The following SNX10 variants were observed in gnomAD, a reference collection of about 807,000 sequenced individuals.
The protein encoded by SNX10 is sorting nexin-10.
A neutral mutation model predicts 28.5 loss-of-function variants in SNX10; 25 were observed. That is an observed-to-expected ratio of 0.88 (90% confidence interval 0.64 to 1.22). SNX10 has a LOEUF of 1.22. Among genes scored for constraint, SNX10 ranks in the 50% most tolerant of loss-of-function variants. The pLI is 0.00. For missense variants in SNX10, 223 were observed against 242.6 expected (o/e 0.92, Z 0.54); for synonymous variants, 62 against 81.4 (o/e 0.76, Z 1.28).
intron 5 of SNX10, among the ~76,000 whole-genome samples, chr7:26,368,701 T>TAC (rs1465059597): frequency 6.6e-6 from 1 of 152,182 alleles, no homozygotes; most frequent in African/African-American, 2.4e-5. Flanking sequence ...CAGCTAGTTT[T>TAC]ACACACACAC....
At chr7:26,360,176 A>C (rs1475524174) in intron 2 of SNX10, among the ~76,000 whole-genome samples, 2 of 152,222 alleles carry the variant, frequency 1.3e-5, no homozygotes, top group Non-Finnish European at 2.9e-5. Context: ...ATTATCGCTT[A>C]TTCTCATGTG....
Position 26,373,866 on chromosome 7 carries a change from A to G in SNX10, c.*1294A>G, listed in dbSNP as rs1789671312. On this transcript the variant is annotated 3_prime_UTR_variant, in exon 7 of 7. Coordinates refer to ENST00000338523, the MANE Select transcript of SNX10 (RefSeq NM_013322.3). This position sits in a 1 kb window ranked among gnomAD's most constrained non-coding sequence, Gnocchi z 4.2. The stretch of plus-strand genomic sequence containing the variant: ...GCTATTGTATTATTAAAAAGTCTTT[A>G]CAATGCTTGTTTCAAAGAACCAACA... 1 of 152,064 alleles carries G rather than the reference A, an allele frequency of 6.6e-6. No homozygotes were observed. Among genetic ancestry groups the G allele is most frequent in the Admixed American group, 6.5e-5 (1 of 15,284 alleles). The allele number at this position is 152,064 out of a possible 1,614,324, so 9.4% of individuals were successfully genotyped here. A position where few individuals can be genotyped will look rare whatever the true frequency, so the allele number is the denominator to read the frequency against.
At chr7:26,317,718 A>C (rs1304688632) in intron 1 of SNX10, among the ~76,000 whole-genome samples, 1 of 141,560 alleles carries the variant, frequency 7.1e-6, no homozygotes, top group African/African-American at 2.7e-5. Flanking sequence ...GCTGGAGTGC[A>C]GTGGCACGAT....
At chr7:26,355,899 T>A (rs2128018282) in intron 2 of SNX10, among the ~76,000 whole-genome samples, 1 of 152,342 alleles carries the variant, frequency 6.6e-6, no homozygotes, top group East Asian at 1.9e-4. Context: ...AAGCCTCATT[T>A]AAAAAATCTG....
chr7:26,371,780 A>G, intron 5 of SNX10, 41 bp from the exon 6 acceptor site: 4 of 1,408,688 alleles, frequency 2.8e-6, no homozygotes, highest in Non-Finnish European at 4.0e-6. Flanking sequence ...ATCACTGACC[A>G]TCCTGTTCAC....
chr7:26,324,612 C>G (rs566240492), intron 1 of SNX10, among the ~76,000 whole-genome samples: 1 of 152,224 alleles, frequency 6.6e-6, no homozygotes, highest in East Asian at 1.9e-4. Flanking sequence ...CCTCCTGTCT[C>G]GGCCTCCCAA....
intron 1 of SNX10, among the ~76,000 whole-genome samples, chr7:26,328,012 G>A (rs544292545): frequency 3.9e-5 from 6 of 152,060 alleles, no homozygotes; most frequent in South Asian, 2.1e-4. Context: ...GATTACAGGC[G>A]TGAGGTGCCC....
intron 2 of SNX10, among the ~76,000 whole-genome samples, chr7:26,347,923 A>G (rs1030626326): frequency 4.1e-5 from 6 of 147,600 alleles, no homozygotes; most frequent in Admixed American, 2.7e-4. Context: ...TTCCAATCTT[A>G]TGTATGTAGC....
intron 2 of SNX10, among the ~76,000 whole-genome samples, chr7:26,352,939 CTGAT>C (rs1173824020): frequency 1.3e-5 from 2 of 151,968 alleles, no homozygotes; most frequent in Non-Finnish European, 2.9e-5. Flanking sequence ...CTAGATTTTG[CTGAT>C]TGCATCCTTG....
intron 1 of SNX10, among the ~76,000 whole-genome samples, chr7:26,312,971 A>T (rs1786909919): frequency 6.6e-6 from 1 of 152,246 alleles, no homozygotes; most frequent in Admixed American, 6.5e-5. Flanking sequence ...CTCATTTGTA[A>T]ATACGTTGCT....
intron 1 of SNX10, among the ~76,000 whole-genome samples, chr7:26,341,570 C>T (rs932129682): frequency 7.3e-5 from 11 of 151,572 alleles, no homozygotes; most frequent in African/African-American, 1.2e-4. Context: ...TCTTGACTCA[C>T]TGCAACCTTG....
Position 26,336,668 on chromosome 7 carries a change from G to A in SNX10, c.-23-9752G>A, listed in dbSNP as rs567866602. On this transcript the variant is annotated intron_variant, in intron 1 of 6. Coordinates refer to ENST00000338523, the MANE Select transcript of SNX10 (RefSeq NM_013322.3). ...TGCAGTGAGCTGAGATTGTGCCACC[G>A]CACTCCAGCCTGGGTGACAGAGCGA... is the stretch of plus-strand genomic sequence containing the variant. 1.3e-3 allele frequency among the ~76,000 whole-genome samples: 192 copies of A among 152,300 alleles called. 1 individual carries two copies. Among genetic ancestry groups the A allele is most frequent in the African/African-American group, 4.4e-3 (184 of 41,554 alleles).
chr7:26,371,484 T>C (rs973400054), intron 5 of SNX10, among the ~76,000 whole-genome samples: 1 of 152,208 alleles, frequency 6.6e-6, no homozygotes, highest in African/African-American at 2.4e-5. Flanking sequence ...TTTTTTAAAG[T>C]AGAATAACTT....
intron 6 of SNX10, 88 bp downstream of exon 6, chr7:26,372,121 T>C: frequency 1.2e-6 from 1 of 848,524 alleles, no homozygotes; most frequent in South Asian, 1.8e-5. Context: ...ATATACACAC[T>C]TCACTTTTTT....
chr7:26,297,223 G>A (rs1786146809), intron 1 of SNX10, among the ~76,000 whole-genome samples: 1 of 152,166 alleles, frequency 6.6e-6, no homozygotes, highest in Admixed American at 6.5e-5. Flanking sequence ...AGCCTCCCAA[G>A]TAACTGGGGT....
intron 1 of SNX10, among the ~76,000 whole-genome samples, chr7:26,330,426 A>G (rs972982487): frequency 6.6e-6 from 1 of 152,002 alleles, no homozygotes; most frequent in Non-Finnish European, 1.5e-5. Flanking sequence ...AGGGGAGCAC[A>G]TGAGGATTGA....
chr7:26,299,636 G>A (rs1786256207), intron 1 of SNX10, among the ~76,000 whole-genome samples: 1 of 151,046 alleles, frequency 6.6e-6, no homozygotes. Flanking sequence ...TCACCGTGTT[G>A]GCTGGTCTCG....
intron 1 of SNX10, among the ~76,000 whole-genome samples, chr7:26,310,906 A>G (rs930142951): frequency 5.3e-5 from 8 of 151,950 alleles, no homozygotes; most frequent in African/African-American, 1.7e-4. Flanking sequence ...GATGGTCTCA[A>G]TCTCCGGACC....
chr7:26,359,773 C>G (rs1788991637), intron 2 of SNX10, among the ~76,000 whole-genome samples: 1 of 151,826 alleles, frequency 6.6e-6, no homozygotes, highest in Admixed American at 6.6e-5. Context: ...AAGCGATTCT[C>G]CTGCCTCACA....
Sources: allele counts gnomAD v4.1 joint callset (sites outside exome capture counted in the v4.1 genomes callset), GRCh38; gene constraint gnomAD v4.1.1; non-coding constraint Gnocchi (gnomAD v3.1); transcripts MANE v1.5; gene names NCBI Gene and HGNC (gene_info 2026-07-23, HGNC 2026-07-21).